The following PCGF2 variants were observed in gnomAD, a reference collection of about 807,000 sequenced individuals.
PCGF2 encodes polycomb group ring finger 2.
Under a neutral mutation model 36.1 loss-of-function variants are expected in PCGF2, and 8 were observed. The ratio of observed to expected loss-of-function variants is 0.22; its 90% CI spans 0.13 to 0.40. The LOEUF (loss-of-function observed/expected upper bound fraction) is 0.40. Among genes scored for constraint, PCGF2 ranks in the 10% least tolerant of loss-of-function variants. The pLI, the probability that PCGF2 is intolerant of heterozygous loss-of-function variation, is 1.00. For synonymous variants in PCGF2, 198 were observed against 191.2 expected (o/e 1.04, Z -0.29); for missense variants, 436 against 475.9 (o/e 0.92, Z 0.78).
chr17:38,739,282 C>T lies in PCGF2; in HGVS notation c.210-29G>A. On this transcript the variant is annotated intron_variant, in intron 4 of 10. Transcript: ENST00000620225. The surrounding 1 kb of genome is among the most constrained non-coding windows in gnomAD (Gnocchi z 4.0). ...GGGAAAAATGGACAGGGCTTATCAG[C>T]AATGCCTTCTCCAGAGCGCTCCGAC... is the stretch of plus-strand genomic sequence containing the variant. The T allele has an allele frequency of 6.2e-7, 1 of 1,603,876 alleles. No homozygotes were observed. The highest frequency in any genetic ancestry group is 8.5e-7 in the Non-Finnish European group (1 of 1,171,100).
In PCGF2 at chr17:38,736,164, C is replaced by A. The variant is rs773058381; in HGVS notation, c.583G>T (p.Val195Phe). Reference protein sequence around the residue: ...MDVPSKYKVEVLYEDEPLKEY... With the variant: ...MDVPSKYKVEFLYEDEPLKEY... Reference sequence around the variant, plus strand: ...TTCAGTGGCTCGTCCTCGTACAGAACCTCCACCTGGGGGAGGGAAGCGGAG... The same window carrying A: ...TTCAGTGGCTCGTCCTCGTACAGAAACTCCACCTGGGGGAGGGAAGCGGAG... The change falls in exon 10 of 11, where the codon GTT becomes TTT. Residue 195 changes from valine (V) to phenylalanine (F), a missense_variant. Around this residue, in one of 3 missense-constraint regions of PCGF2, gnomAD observed 227 missense variants for 212.9 expected, o/e 1.07. Transcript: ENST00000620225. The A allele has an allele frequency of 6.4e-6, 10 of 1,569,694 alleles. No individual in the cohort carries two copies. The South Asian group carries it at 1.2e-4, about 18-fold the overall frequency.
At chr17:38,744,109 C>A (rs1046583044) in intron 2 of PCGF2, among the ~76,000 whole-genome samples, 1 of 152,106 alleles carries the variant, frequency 6.6e-6, no homozygotes, top group Non-Finnish European at 1.5e-5. Context: ...CACTTTTCCC[C>A]AAGCAGAAGC....
At chr17:38,744,029 C>A (rs1907382676) in intron 2 of PCGF2, among the ~76,000 whole-genome samples, 1 of 152,168 alleles carries the variant, frequency 6.6e-6, no homozygotes, top group African/African-American at 2.4e-5. Flanking sequence ...AGCTCAGGTG[C>A]TTTAACAGGT....
intron 2 of PCGF2, among the ~76,000 whole-genome samples, chr17:38,747,490 C>G (rs1907610116): frequency 6.6e-6 from 1 of 152,224 alleles, no homozygotes; most frequent in South Asian, 2.1e-4. Flanking sequence ...CTCCCACCTT[C>G]CCTAGAGCCA....
chr17:38,739,006 C>T lies in PCGF2; in HGVS notation c.316+62G>A. ...GGAGGTCAGAGGGTGAGGGGTAGCGCTACACACCTACATGGTCCCAGGCAA... is the reference window on the plus strand; with the variant it reads ...GGAGGTCAGAGGGTGAGGGGTAGCGTTACACACCTACATGGTCCCAGGCAA... On this transcript the variant is annotated intron_variant, in intron 6 of 10. Coordinates refer to ENST00000620225, the MANE Select transcript of PCGF2 (RefSeq NM_007144.3). This position sits in a 1 kb window ranked among gnomAD's most constrained non-coding sequence, Gnocchi z 4.0. The T allele has an allele frequency of 6.3e-7, 1 of 1,590,284 alleles. No homozygotes were observed. The highest frequency in any genetic ancestry group is 8.6e-7 in the Non-Finnish European group (1 of 1,160,096).
chr17:38,736,400 C>T (rs991651793), intron 9 of PCGF2, among the ~76,000 whole-genome samples: 3 of 152,218 alleles, frequency 2.0e-5, no homozygotes, highest in Admixed American at 6.5e-5. Context: ...TTAGCAGCCT[C>T]TGGTCCCACC....
At chr17:38,746,140 G>A (rs577290909) in intron 2 of PCGF2, among the ~76,000 whole-genome samples, 86 of 152,008 alleles carry the variant, frequency 5.7e-4, no homozygotes, top group African/African-American at 2.0e-3. Context: ...TCCTGAAGCT[G>A]GGCTTACTCA....
At position 38,739,744 on chromosome 17, in the gene PCGF2, C is replaced by T; in HGVS notation, c.113-62G>A. 1 of 1,215,752 alleles carries T rather than the reference C, an allele frequency of 8.2e-7. No homozygotes were observed. Among genetic ancestry groups the T allele is most frequent in the South Asian group, 1.2e-5 (1 of 82,994 alleles). 75.3% of individuals were successfully genotyped at this position (1,215,752 alleles called of 1,614,324 possible). On this transcript the variant is annotated intron_variant, in intron 3 of 10. Coordinates refer to ENST00000620225, the MANE Select transcript of PCGF2 (RefSeq NM_007144.3). The surrounding 1 kb of genome is among the most constrained non-coding windows in gnomAD (Gnocchi z 4.0). ...AACTTCCAACTCCAGGACCAGCCTC[C>T]CCGCCCTCTGCTCAGACTCAGATAT...
chr17:38,737,416 T>A (rs913269538), intron 9 of PCGF2, among the ~76,000 whole-genome samples: 16 of 152,018 alleles, frequency 1.1e-4, no homozygotes, highest in Admixed American at 4.6e-4. Context: ...TGAGCCAAGA[T>A]GATGCCACTG....
chr17:38,739,333 A>G lies in PCGF2; in HGVS notation c.210-80T>C. The G allele has an allele frequency of 7.6e-7, 1 of 1,308,582 alleles. No individual in the cohort carries two copies. The highest frequency in any genetic ancestry group is 1.1e-6 in the Non-Finnish European group (1 of 907,100). 81.1% of individuals were successfully genotyped at this position (1,308,582 alleles called of 1,614,324 possible). On this transcript the variant is annotated intron_variant, in intron 4 of 10. Coordinates refer to ENST00000620225, the MANE Select transcript of PCGF2 (RefSeq NM_007144.3). This position sits in a 1 kb window ranked among gnomAD's most constrained non-coding sequence, Gnocchi z 4.0. ...CTCGCCCTGCTCTCCCAGCCAGGGT[A>G]CCCCTCTTCCCACCCCCTTCCTGAG...
At chr17:38,738,694 T>C (rs1567940510) in intron 7 of PCGF2, 59 bp downstream of exon 7, 1 of 1,572,258 alleles carries the variant, frequency 6.4e-7, no homozygotes, top group Non-Finnish European at 8.7e-7. Context: ...GGGTCCTGGG[T>C]GGGAGAAGGG....
At chr17:38,744,908 A>G (rs928211866) in intron 2 of PCGF2, among the ~76,000 whole-genome samples, 7 of 152,188 alleles carry the variant, frequency 4.6e-5, no homozygotes, top group Non-Finnish European at 8.8e-5. Flanking sequence ...CAGAGGTGAA[A>G]GGGCTTTTAG....
At position 38,739,562 on chromosome 17, in the gene PCGF2, C is replaced by T. The variant is rs1161159632; in HGVS notation, c.209+24G>A. 1.5e-5 allele frequency: 23 copies of T among 1,561,618 alleles called. 1 individual carries two copies. The highest frequency in any genetic ancestry group is 1.9e-5 in the Non-Finnish European group (22 of 1,132,194). On this transcript the variant is annotated intron_variant, in intron 4 of 10. Coordinates refer to ENST00000620225, the MANE Select transcript of PCGF2 (RefSeq NM_007144.3). This position sits in a 1 kb window ranked among gnomAD's most constrained non-coding sequence, Gnocchi z 4.0. ...AGGCTGACCCAGAGGATCGCGGGGACAGGAGGTGCCGTGCCAAGCCCACCT... is the reference window on the plus strand; with the variant it reads ...AGGCTGACCCAGAGGATCGCGGGGATAGGAGGTGCCGTGCCAAGCCCACCT...
At position 38,739,163 on chromosome 17, in the gene PCGF2, A is replaced by G. The variant is rs143648170; in HGVS notation, c.265+35T>C. The G allele has an allele frequency of 1.1e-4, 173 of 1,614,068 alleles. No homozygotes were observed. The African/African-American group carries it at 1.9e-3, about 18-fold the overall frequency. On this transcript the variant is annotated intron_variant, in intron 5 of 10. Transcript: ENST00000620225. The surrounding 1 kb of genome is among the most constrained non-coding windows in gnomAD (Gnocchi z 4.0). ...TGAGGACAGGGCCATGGGTTGGGAA[A>G]TGGGGTCAGTGGAGGAGGAATGGAG...
rs926422041 is a variant in PCGF2 at position 38,747,907 on chromosome 17, T to A, written c.-69A>T. ...GGAACAGGGTCTGCCCGGGGGCTGC[T>A]GCACAAAGAGGTGGTGGTCGAGGGA... is the stretch of plus-strand genomic sequence containing the variant. On this transcript the variant is annotated 5_prime_UTR_variant, in exon 2 of 11. Coordinates refer to ENST00000620225, the MANE Select transcript of PCGF2 (RefSeq NM_007144.3). 31 of 152,646 alleles carry A rather than the reference T, an allele frequency of 2.0e-4. No individual in the cohort carries two copies. The highest frequency in any genetic ancestry group is 7.2e-4 in the African/African-American group (30 of 41,486). 9.5% of individuals were successfully genotyped at this position (152,646 alleles called of 1,614,324 possible).
chr17:38,749,492 C>T, upstream of PCGF2: 1 of 405,824 alleles, frequency 2.5e-6, no homozygotes, highest in Non-Finnish European at 5.2e-6. This position sits in a 1 kb window ranked among gnomAD's most constrained non-coding sequence, Gnocchi z 6.5. Context: ...ACTGGACGCC[C>T]GTGGGCCTCA....
At chr17:38,738,131 C>T (rs891203630) in intron 9 of PCGF2, among the ~76,000 whole-genome samples, 28 of 152,150 alleles carry the variant, frequency 1.8e-4, no homozygotes, top group African/African-American at 6.8e-4. Flanking sequence ...AACATGCACA[C>T]ATACACACCG....
chr17:38,742,251 C>G (rs1907250269), intron 2 of PCGF2, among the ~76,000 whole-genome samples: 1 of 152,194 alleles, frequency 6.6e-6, no homozygotes, highest in South Asian at 2.1e-4. Context: ...GGGAGGGTGG[C>G]CAAGCCCCAA....
rs79624918 is a variant in PCGF2 at position 38,743,555 on chromosome 17, C to T, written c.-40-3113G>A. Among the ~76,000 whole-genome samples, 531 of 152,228 alleles carry T rather than the reference C, an allele frequency of 3.5e-3. 7 individuals are homozygous for T. The highest frequency in any genetic ancestry group is 2.2e-3 in the Non-Finnish European group (148 of 68,016). Reference sequence around the variant, plus strand: ...CCAAGGTGGTGCTGACTGAATGAAACGCTGCTCCTTCTCCAGTTTAAGAAA... The same window carrying T: ...CCAAGGTGGTGCTGACTGAATGAAATGCTGCTCCTTCTCCAGTTTAAGAAA... On this transcript the variant is annotated intron_variant, in intron 2 of 10. Transcript: ENST00000620225.
Sources: allele counts gnomAD v4.1 joint callset (sites outside exome capture counted in the v4.1 genomes callset), GRCh38; gene constraint gnomAD v4.1.1; regional missense constraint gnomAD v4.1.1; non-coding constraint Gnocchi (gnomAD v3.1); transcripts MANE v1.5; gene names NCBI Gene and HGNC (gene_info 2026-07-23, HGNC 2026-07-21).